The following THSD4 variants were observed in gnomAD, a reference collection of about 807,000 sequenced individuals.
THSD4 encodes thrombospondin type 1 domain containing 4.
In THSD4, 69 loss-of-function variants were observed where a neutral mutation model predicts 119.0. The ratio of observed to expected loss-of-function variants is 0.58; its 90% confidence interval spans 0.48 to 0.71. The LOEUF is 0.71. Ranked by LOEUF, THSD4 falls within the 30% of genes least tolerant of loss-of-function variation. The pLI is 0.00. For synonymous variants in THSD4, 524 were observed against 540.4 expected, an observed-to-expected ratio of 0.97 and a Z score of 0.42; for missense variants, 1,393 against 1,391.1, an observed-to-expected ratio of 1.00 and a Z score of -0.02.
At chr15:71,388,554 G>A (rs2046323306) in intron 6 of THSD4, among the ~76,000 whole-genome samples, 1 of 152,136 alleles carries the variant, frequency 6.6e-6, no homozygotes, top group Admixed American at 6.5e-5. Flanking sequence ...AAGAAAGCCA[G>A]TCCCTATAGG....
intron 7 of THSD4, among the ~76,000 whole-genome samples, chr15:71,540,718 C>A (rs1174932265): frequency 1.6e-5 from 2 of 127,800 alleles, no homozygotes; most frequent in African/African-American, 2.9e-5. Flanking sequence ...TGAGCCACTG[C>A]ACCTGGCCTC....
chr15:71,575,117 ACT>A (rs2049425600), intron 7 of THSD4, among the ~76,000 whole-genome samples: 1 of 151,980 alleles, frequency 6.6e-6, no homozygotes, highest in African/African-American at 2.4e-5. Context: ...GGGAGAGATT[ACT>A]CTCTTGTCTC....
At chr15:71,566,595 T>C (rs1002371531) in intron 7 of THSD4, among the ~76,000 whole-genome samples, 1 of 152,140 alleles carries the variant, frequency 6.6e-6, no homozygotes, top group African/African-American at 2.4e-5. Flanking sequence ...TCCTGGTCTC[T>C]TGGACTGTTT....
chr15:71,347,480 AG>A (rs1302615329), intron 6 of THSD4, among the ~76,000 whole-genome samples: 7 of 152,174 alleles, frequency 4.6e-5, no homozygotes, highest in Non-Finnish European at 8.8e-5. Context: ...GACTTTATCA[AG>A]GTCTCTACTT....
chr15:71,593,912 A>C (rs1346280757), intron 7 of THSD4, among the ~76,000 whole-genome samples: 348 of 139,998 alleles, frequency 2.5e-3, no homozygotes, highest in South Asian at 4.2e-3. Flanking sequence ...ACCCCTTCCC[A>C]CCCCCCCGGC....
chr15:71,446,105 G>C (rs1022312308), intron 7 of THSD4, among the ~76,000 whole-genome samples: 3 of 152,084 alleles, frequency 2.0e-5, no homozygotes, highest in Non-Finnish European at 4.4e-5. Context: ...AATCACCCAG[G>C]CCAGAAATAT....
intron 7 of THSD4, among the ~76,000 whole-genome samples, chr15:71,461,345 A>G (rs1283333293): frequency 6.6e-6 from 1 of 152,170 alleles, no homozygotes; most frequent in Non-Finnish European, 1.5e-5. Flanking sequence ...AAGCCCCAAT[A>G]TATTTTATGA....
At chr15:71,705,090 G>A (rs2052368663) in intron 8 of THSD4, among the ~76,000 whole-genome samples, 1 of 152,168 alleles carries the variant, frequency 6.6e-6, no homozygotes, top group Non-Finnish European at 1.5e-5. Flanking sequence ...AGAAGCCAAA[G>A]AATGAAGATA....
chr15:71,453,353 C>T (rs752233515), intron 7 of THSD4, among the ~76,000 whole-genome samples: 10 of 152,188 alleles, frequency 6.6e-5, no homozygotes, highest in Non-Finnish European at 1.2e-4. Context: ...CTTACAAGTT[C>T]AAAGTGTTTT....
At chr15:71,564,199 T>G (rs74434593) in intron 7 of THSD4, among the ~76,000 whole-genome samples, 37,023 of 152,132 alleles carry the variant, frequency 0.24, 5,379 homozygotes, top group Non-Finnish European at 0.33. Context: ...GCTATGCTTA[T>G]GTTGGGCATT....
In THSD4 at chr15:71,771,225, A is replaced by G. The variant is rs1345687570; in HGVS notation, c.2914+17A>G. ...CTGAAGTTGGTAAGTAGAGATTTCA[A>G]TCATGGGGGAAAGGTTTGTGTTTTT... On this transcript the variant is annotated intron_variant, in intron 17 of 17. Coordinates refer to ENST00000261862, the MANE Select transcript of THSD4 (RefSeq NM_024817.3). The G allele has an allele frequency of 6.8e-6, 11 of 1,612,576 alleles. No homozygotes were observed. Among genetic ancestry groups the G allele is most frequent in the East Asian group, 2.2e-5 (1 of 44,888 alleles).
intron 8 of THSD4, among the ~76,000 whole-genome samples, chr15:71,671,216 G>C (rs1174819617): frequency 6.6e-6 from 1 of 152,142 alleles, no homozygotes; most frequent in Non-Finnish European, 1.5e-5. Context: ...GTTTTGATTT[G>C]CATTTCTCTG....
Position 71,242,914 on chromosome 15 carries a change from C to T in THSD4, c.730C>T (p.Gln244Ter). 1 of 1,614,190 alleles carries T rather than the reference C, an allele frequency of 6.2e-7. No homozygotes were observed. The highest frequency in any genetic ancestry group is 8.5e-7 in the Non-Finnish European group (1 of 1,180,036). Reference sequence around the variant, plus strand: ...GCAGGCTGCGGAGGCCCCCATCTACCAGCTACCTTTGACCCATGATCAAGG... The same window carrying T: ...GCAGGCTGCGGAGGCCCCCATCTACTAGCTACCTTTGACCCATGATCAAGG... ...GLQAAEAPIYQLPLTHDQGYP... is the reference protein window; with the variant it reads ...GLQAAEAPIY Residue 244 changes from glutamine to a stop codon, truncating the protein, a stop_gained, in exon 5 of 18, where the codon CAG (glutamine) becomes TAG (stop). Transcript: ENST00000261862. LOFTEE classifies it high-confidence loss of function.
intron 6 of THSD4, among the ~76,000 whole-genome samples, chr15:71,377,900 A>ACCCC (rs1468912646): frequency 3.5e-4 from 42 of 120,028 alleles, no homozygotes; most frequent in African/African-American, 5.0e-4. Context: ...ACACACACAC[A>ACCCC]CACACACACA....
At chr15:71,464,259 G>T (rs1269912945) in intron 7 of THSD4, among the ~76,000 whole-genome samples, 1 of 152,200 alleles carries the variant, frequency 6.6e-6, no homozygotes, top group African/African-American at 2.4e-5. Context: ...CTCCACCCCA[G>T]AACCTTCATG....
At chr15:71,504,387 A>G (rs2048158997) in intron 7 of THSD4, among the ~76,000 whole-genome samples, 1 of 152,254 alleles carries the variant, frequency 6.6e-6, no homozygotes, top group Non-Finnish European at 1.5e-5. Flanking sequence ...TTTATGGAGA[A>G]GAATTGATGA....
At chr15:71,141,585 C>A in intron 2 of THSD4, 29 bp downstream of exon 2, 6 of 1,596,980 alleles carry the variant, frequency 3.8e-6, no homozygotes, top group Non-Finnish European at 5.1e-6. Flanking sequence ...TTTAAAAAAA[C>A]AGGAGAATAA....
intron 7 of THSD4, among the ~76,000 whole-genome samples, chr15:71,660,237 G>A (rs151263964): frequency 1.3e-5 from 2 of 152,184 alleles, no homozygotes; most frequent in African/African-American, 2.4e-5. Flanking sequence ...AGAGTCCAAC[G>A]GGGATTTTCA....
At chr15:71,290,025 G>C (rs565000490) in intron 6 of THSD4, among the ~76,000 whole-genome samples, 2 of 152,194 alleles carry the variant, frequency 1.3e-5, no homozygotes, top group East Asian at 3.9e-4. Flanking sequence ...CCCTTCCCCA[G>C]AGTAGATACA....
Sources: allele counts gnomAD v4.1 joint callset (sites outside exome capture counted in the v4.1 genomes callset), GRCh38; gene constraint gnomAD v4.1.1; transcripts MANE v1.5; gene names NCBI Gene and HGNC (gene_info 2026-07-23, HGNC 2026-07-21).